ERLIN2: variants seen among roughly 807,000 people sequenced by gnomAD.
ERLIN2 encodes ER lipid raft associated 2, also known as erlin-2.
Under a neutral mutation model 41.5 loss-of-function variants are expected in ERLIN2, and 22 were observed. The observed-to-expected ratio is 0.53, with a 90% confidence interval of 0.38 to 0.76. ERLIN2 has a LOEUF of 0.76. Ranked by LOEUF, ERLIN2 falls within the 30% of genes least tolerant of loss-of-function variation. ERLIN2 has a pLI of 0.00. For synonymous variants in ERLIN2, 149 were observed against 150.9 expected, an observed-to-expected ratio of 0.99 and a Z score of 0.09; for missense variants, 247 against 414.3, an observed-to-expected ratio of 0.60 and a Z score of 3.51.
At chr8:37,745,980 A>C in intron 6 of ERLIN2, 1 of 1,024,276 alleles carries the variant, frequency 9.8e-7, no homozygotes, top group Non-Finnish European at 1.2e-6. Flanking sequence ...CTGAAGAGGA[A>C]ATTAAAATAC....
Position 37,737,980 on chromosome 8 carries a change from T to C in ERLIN2, c.58T>C (p.Phe20Leu). The C allele has an allele frequency of 6.2e-7, 1 of 1,614,064 alleles. No individual in the cohort carries two copies. Among genetic ancestry groups the C allele is most frequent in the Non-Finnish European group, 8.5e-7 (1 of 1,179,890 alleles). Residue 20 changes from phenylalanine (F) to leucine (L), a missense_variant, in exon 2 of 12, where the codon TTC becomes CTC. Transcript: ENST00000519638. ...TTCCAGTTTCTTTTGTGCATCTCTC[T>C]TCTCAGCTGTGCACAAGATAGAAGA... ...VASSFFCASLFSAVHKIEEGH... is the reference protein window; with the variant it reads ...VASSFFCASLLSAVHKIEEGH...
At chr8:37,753,878 C>T in intron 11 of ERLIN2, 37 bp from the exon 12 acceptor site, 1 of 1,576,306 alleles carries the variant, frequency 6.3e-7, no homozygotes, top group Non-Finnish European at 8.7e-7. Context: ...TAATATGGTT[C>T]AACATAAGTC....
rs897204990 is a variant in ERLIN2, at chr8:37,758,023, T to C, written c.*3908T>C. 2.0e-5 allele frequency: 3 copies of C among 152,252 alleles called. No individual in the cohort carries two copies. The highest frequency in any genetic ancestry group is 7.2e-5 in the African/African-American group (3 of 41,462). 9.4% of individuals were successfully genotyped at this position (152,252 alleles called of 1,614,324 possible). The stretch of plus-strand genomic sequence containing the variant: ...AAAACATAAGATACCTAGTTAAATA[T>C]GAATTTCAACAATGTACAATTTTTA... On this transcript the variant is annotated 3_prime_UTR_variant, in exon 12 of 12. Transcript: ENST00000519638.
At position 37,753,534 on chromosome 8, in the gene ERLIN2, A is replaced by AGACC. The variant is rs1201289558; in HGVS notation, c.819+6_819+9dup. 1 of 1,613,332 alleles carries AGACC rather than the reference A, an allele frequency of 6.2e-7. No individual in the cohort carries two copies. The highest frequency in any genetic ancestry group is 1.3e-5 in the African/African-American group (1 of 74,920). On this transcript the variant is annotated splice_donor_region_variant and intron_variant, in intron 11 of 11. Transcript: ENST00000519638. ...AAAATAGCCGAAGCCAATAAGGTAA[A>AGACC]GACCCCGCACAGCCTGATAAAAAGG...
intron 6 of ERLIN2, chr8:37,746,649 T>TC: frequency 2.2e-6 from 1 of 462,204 alleles, no homozygotes; most frequent in Non-Finnish European, 2.8e-6. Context: ...AGAGGGCAGC[T>TC]CCCTTGGGTT....
rs1312584690 is a variant in ERLIN2 at position 37,741,593 on chromosome 8, G to A, written c.190-179G>A. On this transcript the variant is annotated intron_variant, in intron 3 of 11. Transcript: ENST00000519638. The surrounding 1 kb of genome is among the most constrained non-coding windows in gnomAD (Gnocchi z 4.8). ...TTCACTTATAGTGAGGCTGGGGCAC[G>A]GGCCTTTACTTGGCTTAGCAACCCT... Among the ~76,000 whole-genome samples the A allele has an allele frequency of 3.3e-5, 5 of 152,166 alleles. No homozygotes were observed. Among genetic ancestry groups the A allele is most frequent in the Non-Finnish European group, 5.9e-5 (4 of 68,036 alleles).
At position 37,741,714 on chromosome 8, in the gene ERLIN2, A is replaced by T; in HGVS notation, c.190-58A>T. The T allele has an allele frequency of 7.4e-7, 1 of 1,349,498 alleles. No homozygotes were observed. The highest frequency in any genetic ancestry group is 1.2e-5 in the South Asian group (1 of 85,730). The allele number at this position is 1,349,498 out of a possible 1,614,324, so 83.6% of individuals were successfully genotyped here. ...GGACAAAGGCATTTAGGATTCTGAA[A>T]AGTAAGTTACTTTGTCACTGCCCAT... On this transcript the variant is annotated intron_variant, in intron 3 of 11. Transcript: ENST00000519638. This position sits in a 1 kb window ranked among gnomAD's most constrained non-coding sequence, Gnocchi z 4.8.
chr8:37,754,639 G>GT lies in ERLIN2; in HGVS notation c.*525dup. 1 of 195,830 alleles carries GT rather than the reference G, an allele frequency of 5.1e-6. No individual in the cohort carries two copies. Among genetic ancestry groups the GT allele is most frequent in the Non-Finnish European group, 1.1e-5 (1 of 93,612 alleles). 12.1% of individuals were successfully genotyped at this position (195,830 alleles called of 1,614,324 possible). On this transcript the variant is annotated 3_prime_UTR_variant, in exon 12 of 12. Transcript: ENST00000519638. ...ACCTTCCTGGCATTCTTGTCTGCAT[G>GT]TGTGTGAGTTATTTTAGAGGTGTGC...
chr8:37,744,350 A>T lies in ERLIN2; in HGVS notation c.237-5A>T. On this transcript the variant is annotated splice_region_variant and splice_polypyrimidine_tract_variant and intron_variant, in intron 4 of 11. Transcript: ENST00000519638. ...GTGACTTCTTGTCCATTCTCCCTCC[A>T]ATAGTGGTGGTGTGATGATCTACTT... The T allele has an allele frequency of 6.2e-7, 1 of 1,613,170 alleles. No individual in the cohort carries two copies.
chr8:37,747,192 C>G (rs1803080138), intron 6 of ERLIN2: 1 of 635,934 alleles, frequency 1.6e-6, no homozygotes, highest in African/African-American at 1.8e-5. Flanking sequence ...TTAAAGACCT[C>G]ACTGCATGTA....
chr8:37,747,568 T>G (rs771351105), intron 6 of ERLIN2: 1 of 1,612,376 alleles, frequency 6.2e-7, no homozygotes, highest in East Asian at 2.2e-5. Flanking sequence ...TTTGGTCCGT[T>G]TGGTCATCAT....
chr8:37,751,517 G>A (rs1261973125), intron 9 of ERLIN2, 109 bp from the exon 10 acceptor site: 3 of 862,508 alleles, frequency 3.5e-6, no homozygotes, highest in Non-Finnish European at 5.8e-6. Flanking sequence ...GCTGCCCTCT[G>A]GGGGCTCTCC....
At position 37,744,604 on chromosome 8, in the gene ERLIN2, A is replaced by C; in HGVS notation, c.332A>C (p.Tyr111Ser). Reference sequence around the variant, plus strand: ...ATAGTGAAGAACTATACTGCTGACTATGACAAGGCCCTCATCTTCAACAAG... The same window carrying C: ...ATAGTGAAGAACTATACTGCTGACTCTGACAAGGCCCTCATCTTCAACAAG... ...YDIVKNYTAD[Y>S]DKALIFNKIH... The change falls in exon 6 of 12, where the codon TAT (tyrosine) becomes TCT (serine). Residue 111 changes from tyrosine (Y) to serine (S), a missense_variant. By Grantham distance (144) the Tyr-to-Ser change is moderately radical (BLOSUM62 -2). Around this residue, in one of 3 missense-constraint regions of ERLIN2, gnomAD observed 93 missense variants for 139.0 expected, o/e 0.67. Transcript: ENST00000519638. The C allele has an allele frequency of 6.2e-7, 1 of 1,614,122 alleles. No individual in the cohort carries two copies. Among genetic ancestry groups the C allele is most frequent in the Non-Finnish European group, 8.5e-7 (1 of 1,180,012 alleles).
At chr8:37,753,346 G>A (rs747782866) in intron 10 of ERLIN2, 104 bp from the exon 11 acceptor site, 139 of 916,932 alleles carry the variant, frequency 1.5e-4, no homozygotes, top group Non-Finnish European at 1.5e-4. Context: ...AATCAGGGGC[G>A]AAGTTCCAGG....
chr8:37,753,543 A>G lies in ERLIN2; in HGVS notation c.819+14A>G, dbSNP rs747128923. On this transcript the variant is annotated intron_variant, in intron 11 of 11. Transcript: ENST00000519638. ...GAAGCCAATAAGGTAAAGACCCCGC[A>G]CAGCCTGATAAAAAGGAGTCTTTGG... 6.2e-7 allele frequency: 1 copy of G among 1,611,654 alleles called. No homozygotes were observed. Among genetic ancestry groups the G allele is most frequent in the Non-Finnish European group, 8.5e-7 (1 of 1,177,880 alleles).
At chr8:37,747,473 A>T (rs1045762235) in intron 6 of ERLIN2, 1 of 1,612,052 alleles carries the variant, frequency 6.2e-7, no homozygotes, top group East Asian at 2.2e-5. Flanking sequence ...TTCTGTGCAT[A>T]CGAGTCAGCA....
chr8:37,745,668 C>A, intron 6 of ERLIN2: 3 of 1,612,532 alleles, frequency 1.9e-6, no homozygotes, highest in Non-Finnish European at 1.7e-6. Context: ...CGCCAGCAAT[C>A]ATAATTAAGC....
In ERLIN2 at chr8:37,741,727, T is replaced by G. The variant is rs1398232790; in HGVS notation, c.190-45T>G. 1.4e-6 allele frequency: 2 copies of G among 1,480,360 alleles called. No individual in the cohort carries two copies. The highest frequency in any genetic ancestry group is 1.9e-6 in the Non-Finnish European group (2 of 1,057,944). 91.7% of individuals were successfully genotyped at this position (1,480,360 alleles called of 1,614,324 possible). ...TAGGATTCTGAAAAGTAAGTTACTT[T>G]GTCACTGCCCATCTTCTAGCACTTT... On this transcript the variant is annotated intron_variant, in intron 3 of 11. Transcript: ENST00000519638. This position sits in a 1 kb window ranked among gnomAD's most constrained non-coding sequence, Gnocchi z 4.8.
Position 37,757,025 on chromosome 8 carries a change from G to T in ERLIN2, c.*2910G>T, listed in dbSNP as rs978495806. 1 of 152,182 alleles carries T rather than the reference G, an allele frequency of 6.6e-6. No individual in the cohort carries two copies. Among genetic ancestry groups the T allele is most frequent in the Non-Finnish European group, 1.5e-5 (1 of 68,028 alleles). 9.4% of individuals were successfully genotyped at this position (152,182 alleles called of 1,614,324 possible). ...TTTATATAACTAAAATAAAATAGATGTGGAGGGATCTGTGATCATATAAAA... is the reference window on the plus strand; with the variant it reads ...TTTATATAACTAAAATAAAATAGATTTGGAGGGATCTGTGATCATATAAAA... On this transcript the variant is annotated 3_prime_UTR_variant, in exon 12 of 12. Coordinates refer to ENST00000519638, the MANE Select transcript of ERLIN2 (RefSeq NM_007175.8).
Sources: allele counts gnomAD v4.1 joint callset (sites outside exome capture counted in the v4.1 genomes callset), GRCh38; gene constraint gnomAD v4.1.1; regional missense constraint gnomAD v4.1.1; non-coding constraint Gnocchi (gnomAD v3.1); transcripts MANE v1.5; gene names NCBI Gene and HGNC (gene_info 2026-07-23, HGNC 2026-07-21).